CSRNP3: variants seen among roughly 807,000 people sequenced by gnomAD.
CSRNP3 encodes the protein cysteine/serine-rich nuclear protein 3.
A neutral mutation model predicts 48.0 loss-of-function variants in CSRNP3; 12 were observed. That is an observed-to-expected ratio of 0.25 (90% CI 0.16 to 0.41). The LOEUF is 0.41. Among genes scored for constraint, CSRNP3 ranks in the 10% least tolerant of loss-of-function variants. The pLI, the probability that CSRNP3 is intolerant of heterozygous loss-of-function variation, is 1.00. For missense variants in CSRNP3, 580 were observed against 724.4 expected (o/e 0.80, Z 2.29); for synonymous variants, 263 against 269.7 (o/e 0.98, Z 0.24).
chr2:165,586,420 CA>C (rs1421354076), intron 3 of CSRNP3, among the ~76,000 whole-genome samples: 1 of 151,870 alleles, frequency 6.6e-6, no homozygotes, highest in South Asian at 2.1e-4. Context: ...GTCAGATTAA[CA>C]AAAAACAACA....
chr2:165,662,582 A>T (rs560090214), intron 5 of CSRNP3, among the ~76,000 whole-genome samples: 2 of 152,342 alleles, frequency 1.3e-5, no homozygotes, highest in South Asian at 4.1e-4. Context: ...CATCTGCACC[A>T]CATTGTTGAA....
Position 165,678,693 on chromosome 2 carries a change from C to T in CSRNP3, c.706-8C>T, listed in dbSNP as rs373123535. ...TCCATGGTGCTAATCTGTGTTCTTC[C>T]TTCCAAGGTGGATCGTATGTCTTTC... On this transcript the variant is annotated splice_region_variant and splice_polypyrimidine_tract_variant and intron_variant, in intron 6 of 6. Coordinates refer to ENST00000651982, the MANE Select transcript of CSRNP3 (RefSeq NM_001172173.2). 1.2e-6 allele frequency: 2 copies of T among 1,610,570 alleles called. No individual in the cohort carries two copies. The highest frequency in any genetic ancestry group is 1.3e-5 in the African/African-American group (1 of 74,836).
chr2:165,654,575 A>G, intron 4 of CSRNP3, among the ~76,000 whole-genome samples: 1 of 152,086 alleles, frequency 6.6e-6, no homozygotes, highest in East Asian at 1.9e-4. Flanking sequence ...TCATCACTGG[A>G]ATGGAAGCTC....
At chr2:165,472,152 A>G (rs1683903670) in intron 1 of CSRNP3, among the ~76,000 whole-genome samples, 1 of 152,062 alleles carries the variant, frequency 6.6e-6, no homozygotes, top group Admixed American at 6.6e-5. Context: ...TAATGTATCA[A>G]TCACTTTAAT....
At chr2:165,575,627 A>G (rs1329470126) in intron 3 of CSRNP3, among the ~76,000 whole-genome samples, 2 of 152,130 alleles carry the variant, frequency 1.3e-5, no homozygotes, top group African/African-American at 4.8e-5. Flanking sequence ...TAATTTTATT[A>G]TAATGATTAA....
At chr2:165,558,141 G>C (rs1174781083) in intron 3 of CSRNP3, among the ~76,000 whole-genome samples, 1 of 152,070 alleles carries the variant, frequency 6.6e-6, no homozygotes, top group East Asian at 1.9e-4. Context: ...AAAAATTAAG[G>C]GGGGGAAAAA....
chr2:165,665,616 G>A (rs1483330619), intron 5 of CSRNP3, among the ~76,000 whole-genome samples: 1 of 151,858 alleles, frequency 6.6e-6, no homozygotes, highest in Non-Finnish European at 1.5e-5. Flanking sequence ...TTAAAATTTA[G>A]CTGGGCAGTT....
At chr2:165,517,196 A>G (rs1450175963) in intron 2 of CSRNP3, among the ~76,000 whole-genome samples, 3 of 152,026 alleles carry the variant, frequency 2.0e-5, no homozygotes, top group Admixed American at 2.0e-4. Context: ...GGTAAATAAA[A>G]AGTATATATC....
At chr2:165,666,145 A>G (rs1687193435) in intron 5 of CSRNP3, among the ~76,000 whole-genome samples, 1 of 130,172 alleles carries the variant, frequency 7.7e-6, no homozygotes, top group African/African-American at 2.9e-5. Flanking sequence ...AAGGAAGGAA[A>G]GAGAGAGGAA....
Position 165,676,320 on chromosome 2 carries a change from G to T in CSRNP3, c.417G>T (p.Lys139Asn), listed in dbSNP as rs754378547. The T allele has an allele frequency of 1.2e-6, 2 of 1,613,054 alleles. No homozygotes were observed. Among genetic ancestry groups the T allele is most frequent in the South Asian group, 2.2e-5 (2 of 91,028 alleles). ...CTGCTTTGTGTTTTTAGATGACTAA[G>T]AATGGCACAGTAGAATCAGAAGAAG... Reference protein sequence around the residue: ...KLNSLKLKMTKNGTVESEEAS... With the variant: ...KLNSLKLKMTNNGTVESEEAS... The change falls in exon 6 of 7, where the codon AAG becomes AAT. Residue 139 changes from lysine (K) to asparagine (N), a missense_variant. Lys to Asn is a moderately conservative substitution (Grantham distance 94). Transcript: ENST00000651982.
intron 3 of CSRNP3, among the ~76,000 whole-genome samples, chr2:165,550,275 A>C (rs990376080): frequency 6.6e-6 from 1 of 152,190 alleles, no homozygotes; most frequent in African/African-American, 2.4e-5. Context: ...TGTTACTTTG[A>C]TATTGTAGAA....
chr2:165,637,505 A>G (rs958219571), intron 4 of CSRNP3, among the ~76,000 whole-genome samples: 3 of 152,186 alleles, frequency 2.0e-5, no homozygotes, highest in Non-Finnish European at 2.9e-5. Context: ...CATGATTGGG[A>G]TCGGAAAGGA....
At chr2:165,541,404 T>C (rs2105252604) in intron 3 of CSRNP3, among the ~76,000 whole-genome samples, 1 of 152,142 alleles carries the variant, frequency 6.6e-6, no homozygotes, top group African/African-American at 2.4e-5. Flanking sequence ...ACAGAGGTCG[T>C]CCCATAGGAC....
At chr2:165,576,018 CA>C (rs1168506180) in intron 3 of CSRNP3, among the ~76,000 whole-genome samples, 1 of 150,952 alleles carries the variant, frequency 6.6e-6, no homozygotes, top group African/African-American at 2.4e-5. Flanking sequence ...TCCTCTGGTC[CA>C]AACAATATTT....
chr2:165,503,199 C>G (rs1684380328), intron 2 of CSRNP3, among the ~76,000 whole-genome samples: 1 of 151,852 alleles, frequency 6.6e-6, no homozygotes, highest in South Asian at 2.1e-4. Context: ...ATAATTGCTC[C>G]TAGGATTTTC....
At chr2:165,612,209 T>C (rs904610240) in intron 4 of CSRNP3, among the ~76,000 whole-genome samples, 3 of 152,128 alleles carry the variant, frequency 2.0e-5, no homozygotes, top group Non-Finnish European at 4.4e-5. Context: ...AATTGTATTA[T>C]GTCTATAGTA....
intron 3 of CSRNP3, among the ~76,000 whole-genome samples, chr2:165,562,261 C>A (rs1302349289): frequency 6.6e-6 from 1 of 152,100 alleles, no homozygotes; most frequent in African/African-American, 2.4e-5. Flanking sequence ...CACATCTCTT[C>A]TGCATTTGAA....
chr2:165,645,029 T>C (rs1380033847), intron 4 of CSRNP3, among the ~76,000 whole-genome samples: 5 of 152,012 alleles, frequency 3.3e-5, no homozygotes, highest in Admixed American at 6.6e-5. Flanking sequence ...CTCTCTGGGG[T>C]CTCTTTATAA....
At chr2:165,502,792 C>T (rs76882929) in intron 2 of CSRNP3, among the ~76,000 whole-genome samples, 1,627 of 151,794 alleles carry the variant, frequency 0.011, 31 homozygotes, top group African/African-American at 0.034. Flanking sequence ...TATATAAATA[C>T]GTTCATATAT....
Sources: allele counts gnomAD v4.1 joint callset (sites outside exome capture counted in the v4.1 genomes callset), GRCh38; gene constraint gnomAD v4.1.1; transcripts MANE v1.5; gene names NCBI Gene and HGNC (gene_info 2026-07-23, HGNC 2026-07-21).